C5orf15: variants seen among roughly 807,000 people sequenced by gnomAD.
C5orf15 encodes the protein keratinocyte-associated transmembrane protein 2.
Under a neutral mutation model 17.8 loss-of-function variants are expected in C5orf15, and 10 were observed. That is an observed-to-expected ratio of 0.56 (90% CI 0.35 to 0.95). The LOEUF is 0.95. Among genes scored for constraint, C5orf15 ranks in the 40% least tolerant of loss-of-function variants. C5orf15 has a pLI of 0.02. For synonymous variants in C5orf15, 124 were observed against 131.0 expected, an observed-to-expected ratio of 0.95 and a Z score of 0.36; for missense variants, 319 against 331.7, an observed-to-expected ratio of 0.96 and a Z score of 0.30.
intron 1 of C5orf15, among the ~76,000 whole-genome samples, chr5:133,965,657 G>A (rs1365768028): frequency 6.6e-6 from 1 of 152,228 alleles, no homozygotes; most frequent in Non-Finnish European, 1.5e-5. Context: ...CGGACACGGT[G>A]GCTCACGCCT....
intron 1 of C5orf15, among the ~76,000 whole-genome samples, chr5:133,963,582 T>C (rs1167126195): frequency 6.6e-6 from 1 of 152,228 alleles, no homozygotes; most frequent in African/African-American, 2.4e-5. Flanking sequence ...GGTGACTTCC[T>C]TAGGTTTTTC....
In C5orf15 at chr5:133,959,661, C is replaced by T. The variant is rs1290301292; in HGVS notation, c.499G>A (p.Asp167Asn). 1.2e-6 allele frequency: 2 copies of T among 1,613,616 alleles called. No homozygotes were observed. The highest frequency in any genetic ancestry group is 2.2e-5 in the East Asian group (1 of 44,886). The change falls in exon 2 of 3, where the codon GAC becomes AAC. Residue 167 changes from aspartate (D) to asparagine (N), a missense_variant. Physicochemically the swap from Asp to Asn is conservative, Grantham distance 23. Transcript: ENST00000231512. ...TAACCCCTGTTTTCTTCCAAGGTGT[C>T]ATCAGACTCGTCGTCGTCCCTGGGG... is the stretch of plus-strand genomic sequence containing the variant. ...TGPRDDDESD[D>N]TLEENRGYME... is the part of the protein sequence containing the mutation.
chr5:133,968,188 TAC>T (rs748866124), intron 1 of C5orf15, among the ~76,000 whole-genome samples: 75 of 152,060 alleles, frequency 4.9e-4, no homozygotes, highest in South Asian at 8.3e-4. Context: ...CCCGCCCATC[TAC>T]ACACCCTGCT....
intron 1 of C5orf15, 130 bp from the exon 2 acceptor site, chr5:133,960,150 T>G (rs1393014364): frequency 2.0e-5 from 14 of 712,914 alleles, no homozygotes; most frequent in Non-Finnish European, 2.7e-5. Flanking sequence ...GAAAACTAGT[T>G]ATTAAGTCTC....
At chr5:133,960,442 C>T (rs749470272) in intron 1 of C5orf15, among the ~76,000 whole-genome samples, 1 of 152,144 alleles carries the variant, frequency 6.6e-6, no homozygotes, top group Non-Finnish European at 1.5e-5. Flanking sequence ...CTGATTCTCA[C>T]TCAAGTAGGT....
At chr5:133,966,796 A>G (rs1458509317) in intron 1 of C5orf15, among the ~76,000 whole-genome samples, 1 of 152,242 alleles carries the variant, frequency 6.6e-6, no homozygotes, top group East Asian at 1.9e-4. Context: ...TATTAAAGAC[A>G]TGTATGTTCG....
chr5:133,966,737 A>G (rs895549368), intron 1 of C5orf15, among the ~76,000 whole-genome samples: 18 of 152,216 alleles, frequency 1.2e-4, no homozygotes, highest in South Asian at 4.1e-4. Flanking sequence ...ATGCTTACAA[A>G]AAATACTTAT....
At chr5:133,965,201 C>T (rs1351888636) in intron 1 of C5orf15, among the ~76,000 whole-genome samples, 1 of 152,148 alleles carries the variant, frequency 6.6e-6, no homozygotes, top group Non-Finnish European at 1.5e-5. Flanking sequence ...TCCCACACCA[C>T]ATCCCACATA....
chr5:133,956,770 G>A lies in C5orf15; in HGVS notation c.*89C>T, dbSNP rs1752047673. ...AAAGAGAGACTCACCTCTCATTTAA[G>A]TACCAATTGCCTATGGCAAACATTT... is the stretch of plus-strand genomic sequence containing the variant. On this transcript the variant is annotated 3_prime_UTR_variant, in exon 3 of 3. Coordinates refer to ENST00000231512, the MANE Select transcript of C5orf15 (RefSeq NM_020199.3). 3.7e-6 allele frequency: 5 copies of A among 1,344,448 alleles called. No homozygotes were observed. The highest frequency in any genetic ancestry group is 1.5e-5 in the South Asian group (1 of 65,104). The allele number at this position is 1,344,448 out of a possible 1,614,324, so 83.3% of individuals were successfully genotyped here.
chr5:133,959,650 T>G lies in C5orf15; in HGVS notation c.510A>C (p.Glu170Asp), dbSNP rs759845381. ...RDDDESDDTL[E>D]ENRGYMEIEQ... ...CAATTTCCATGTAACCCCTGTTTTC[T>G]TCCAAGGTGTCATCAGACTCGTCGT... is the stretch of plus-strand genomic sequence containing the variant. Residue 170 changes from glutamate to aspartate, a missense_variant, in exon 2 of 3, where the codon GAA becomes GAC. Glu to Asp is a conservative substitution (Grantham distance 45). This residue lies in a region of C5orf15 where 175 missense variants were observed against 192.4 expected (regional missense o/e 0.91). Transcript: ENST00000231512. The G allele has an allele frequency of 2.5e-6, 4 of 1,613,546 alleles. No individual in the cohort carries two copies. In the Admixed American group the frequency reaches 6.7e-5, roughly 27 times the overall value.
chr5:133,964,626 C>A (rs1752169672), intron 1 of C5orf15, among the ~76,000 whole-genome samples: 1 of 152,110 alleles, frequency 6.6e-6, no homozygotes. Flanking sequence ...CTATAATTAT[C>A]TCAAAATAAG....
Position 133,968,461 on chromosome 5 carries a change from C to T in C5orf15, c.124G>A (p.Ala42Thr), listed in dbSNP as rs758646321. Residue 42 changes from alanine to threonine, a missense_variant, in exon 1 of 3, where the codon GCC (alanine) becomes ACC (threonine). Transcript: ENST00000231512. Reference sequence around the variant, plus strand: ...CCCCCTTTACCACTGGATAGAGCGGCGGACACAAGCAGGAGCGCCAAGACC... The same window carrying T: ...CCCCCTTTACCACTGGATAGAGCGGTGGACACAAGCAGGAGCGCCAAGACC... ...PLVLALLLVS[A>T]ALSSVVSRTD... 10 of 1,604,342 alleles carry T rather than the reference C, an allele frequency of 6.2e-6. No homozygotes were observed. Among genetic ancestry groups the T allele is most frequent in the Non-Finnish European group, 8.5e-6 (10 of 1,175,954 alleles).
At chr5:133,959,184 A>G (rs1159788110) in intron 2 of C5orf15, among the ~76,000 whole-genome samples, 1 of 152,108 alleles carries the variant, frequency 6.6e-6, no homozygotes, top group East Asian at 1.9e-4. Context: ...TGGGCAAAAT[A>G]GCGACACCTC....
rs566380481 is a variant in C5orf15, at chr5:133,959,839, C to T, written c.321G>A (p.Ser107=). The T allele has an allele frequency of 7.4e-6, 12 of 1,613,946 alleles. No individual in the cohort carries two copies. The highest frequency in any genetic ancestry group is 1.7e-4 in the Middle Eastern group (1 of 6,058). Reference sequence around the variant, plus strand: ...CTTCCTCTTGAGACAGAGGAGTAGGCGAGGGATGAGGGACCACAGATGCTC... The same window carrying T: ...CTTCCTCTTGAGACAGAGGAGTAGGTGAGGGATGAGGGACCACAGATGCTC... ...SGGASVVPHP[S]PTPLSQEEAD... The change falls in exon 2 of 3, where the codon TCG becomes TCA. Residue 107 remains serine (S), a synonymous_variant. Coordinates refer to ENST00000231512, the MANE Select transcript of C5orf15 (RefSeq NM_020199.3).
At chr5:133,963,346 A>G (rs1235324247) in intron 1 of C5orf15, among the ~76,000 whole-genome samples, 3 of 152,164 alleles carry the variant, frequency 2.0e-5, no homozygotes, top group African/African-American at 7.2e-5. Context: ...CATAAATCCA[A>G]CCACCTACTT....
At position 133,956,246 on chromosome 5, in the gene C5orf15, A is replaced by G. The variant is rs1029338086; in HGVS notation, c.*613T>C. ...ATAGTATCTCTGTAACATTTTATCT[A>G]TGTCCACTGCAAGCTGCAGAGTCTC... On this transcript the variant is annotated 3_prime_UTR_variant, in exon 3 of 3. Coordinates refer to ENST00000231512, the MANE Select transcript of C5orf15 (RefSeq NM_020199.3). 1 of 152,674 alleles carries G rather than the reference A, an allele frequency of 6.5e-6. No homozygotes were observed. The highest frequency in any genetic ancestry group is 2.4e-5 in the African/African-American group (1 of 41,458). 9.5% of individuals were successfully genotyped at this position (152,674 alleles called of 1,614,324 possible). A position where few individuals can be genotyped will look rare whatever the true frequency, so the allele number is the denominator to read the frequency against.
intron 1 of C5orf15, among the ~76,000 whole-genome samples, chr5:133,966,877 C>T (rs965529483): frequency 6.6e-6 from 1 of 152,102 alleles, no homozygotes; most frequent in Non-Finnish European, 1.5e-5. Flanking sequence ...TATGTAAAGA[C>T]TTAATTTAAA....
intron 2 of C5orf15, among the ~76,000 whole-genome samples, chr5:133,958,615 TA>T (rs1052005228): frequency 8.7e-6 from 1 of 115,278 alleles, no homozygotes; most frequent in African/African-American, 3.2e-5. Context: ...CTCTGTGAGA[TA>T]AAATTCCTTA....
intron 1 of C5orf15, among the ~76,000 whole-genome samples, chr5:133,963,219 C>G (rs1752147119): frequency 6.6e-6 from 1 of 152,230 alleles, no homozygotes; most frequent in South Asian, 2.1e-4. Context: ...ACATTTTCCT[C>G]TAACCACAAA....
Sources: gnomAD v4.1 joint callset for allele counts (sites outside exome capture counted in the v4.1 genomes callset) on GRCh38, gnomAD v4.1.1 for gene constraint, gnomAD v4.1.1 regional missense constraint, MANE v1.5 for transcripts, NCBI Gene and HGNC (gene_info 2026-07-23, HGNC 2026-07-21) for gene names.